Variants in GPR174 observed in about 807,000 individuals in gnomAD.
GPR174 encodes the protein probable G protein-coupled receptor 174.
A neutral mutation model predicts 16.5 loss-of-function variants in GPR174; 8 were observed. That is an observed-to-expected ratio of 0.48 (90% CI 0.28 to 0.87). The LOEUF (loss-of-function observed/expected upper bound fraction) is 0.87, where lower values mean the gene tolerates loss of function less well. GPR174 is among the 40% of genes least tolerant of loss of function. GPR174 has a pLI of 0.09. For synonymous variants in GPR174, 111 were observed against 94.8 expected, an observed-to-expected ratio of 1.17 and a Z score of -0.99; for missense variants, 214 against 247.5, an observed-to-expected ratio of 0.86 and a Z score of 0.91.
chrX:79,161,315 G>A (rs1233752334), intron 2 of GPR174, among the ~76,000 whole-genome samples: 1 of 111,545 alleles, frequency 9.0e-6, no homozygotes, highest in African/African-American at 3.3e-5. Flanking sequence ...AAAGAAAACA[G>A]GCAAAAAATA....
At chrX:79,146,663 C>T (rs1450368228) in intron 1 of GPR174, among the ~76,000 whole-genome samples, 1 of 111,925 alleles carries the variant, frequency 8.9e-6, no homozygotes, top group East Asian at 2.8e-4. Context: ...ACCTAGTGTA[C>T]TTATTTTGTT....
Position 79,164,244 on chromosome X carries a change from C to G in GPR174, c.-556-6208C>G, listed in dbSNP as rs192127776. On this transcript the variant is annotated intron_variant, in intron 2 of 2. Transcript: ENST00000645147. The stretch of plus-strand genomic sequence containing the variant: ...CTATGCCTTCCTTTGGAGATAGTTC[C>G]AAGGCACCACCTACTACTCTAACAT... Among the ~76,000 whole-genome samples, 370 of 110,797 alleles carry G rather than the reference C, an allele frequency of 3.3e-3. 1 individual carries two copies. Among genetic ancestry groups the G allele is most frequent in the African/African-American group, 0.011 (345 of 30,501 alleles).
At position 79,170,769 on chromosome X, in the gene GPR174, T is replaced by C. The variant is rs781607272; in HGVS notation, c.-239T>C. The C allele has an allele frequency of 2.6e-6, 1 of 385,436 alleles. No homozygotes were observed. The highest frequency in any genetic ancestry group is 4.2e-5 in the East Asian group (1 of 23,540). The allele number at this position is 385,436 out of a possible 1,213,427, so 31.8% of individuals were successfully genotyped here. A position where few individuals can be genotyped will look rare whatever the true frequency, so the allele number is the denominator to read the frequency against. ...ATTGTAACAGCTTGTCATCTGTGCT[T>C]GTACACTAGACTTCCATGTAGTTAC... On this transcript the variant is annotated 5_prime_UTR_variant, in exon 3 of 3. Coordinates refer to ENST00000645147, the MANE Select transcript of GPR174 (RefSeq NM_032553.3).
chrX:79,171,273 G>T lies in GPR174; in HGVS notation c.266G>T (p.Gly89Val), dbSNP rs1921507859. ...AATCATGACTGGCCATTTGGGCCTGGTCTCTGCATGTTCTGTTTCTACCTG... is the reference window on the plus strand; with the variant it reads ...AATCATGACTGGCCATTTGGGCCTGTTCTCTGCATGTTCTGTTTCTACCTG... Reference protein sequence around the residue: ...YLNHDWPFGPGLCMFCFYLKY... With the variant: ...YLNHDWPFGPVLCMFCFYLKY... The change falls in exon 3 of 3, where the codon GGT (glycine) becomes GTT (valine). Residue 89 changes from glycine to valine, a missense_variant. Physicochemically the swap from Gly to Val is moderately radical, Grantham distance 109 (BLOSUM62 -3). Transcript: ENST00000645147. The T allele has an allele frequency of 8.3e-7, 1 of 1,211,322 alleles. No homozygotes were observed. Among genetic ancestry groups the T allele is most frequent in the Non-Finnish European group, 1.1e-6 (1 of 895,159 alleles).
In GPR174 at chrX:79,171,048, A is replaced by G. The variant is rs1345551879; in HGVS notation, c.41A>G (p.Asn14Ser). 8.3e-7 allele frequency: 1 copy of G among 1,205,644 alleles called. No individual in the cohort carries two copies. The highest frequency in any genetic ancestry group is 1.7e-5 in the African/African-American group (1 of 57,194). ...ACGTGTACCAGGCCAGATGGAGACA[A>G]TACAGATTTTCGATACTTTATTTAT... ...NYTCTRPDGD[N>S]TDFRYFIYAV... Residue 14 changes from asparagine to serine, a missense_variant, in exon 3 of 3, where the codon AAT becomes AGT. Physicochemically the swap from Asn to Ser is conservative, Grantham distance 46. Coordinates refer to ENST00000645147, the MANE Select transcript of GPR174 (RefSeq NM_032553.3).
chrX:79,170,062 G>C (rs765054871), intron 2 of GPR174, among the ~76,000 whole-genome samples: 21 of 111,908 alleles, frequency 1.9e-4, no homozygotes, highest in Non-Finnish European at 3.2e-4. Context: ...TTCCCCAGAT[G>C]ATTCAGACAA....
chrX:79,165,807 A>G (rs952006404), intron 2 of GPR174, among the ~76,000 whole-genome samples: 1 of 111,342 alleles, frequency 9.0e-6, no homozygotes, highest in African/African-American at 3.3e-5. Context: ...ACTCTCTAGG[A>G]GAAAACTGCA....
Position 79,170,702 on chromosome X carries a change from C to A in GPR174, c.-306C>A. The A allele has an allele frequency of 3.7e-6, 1 of 273,711 alleles. No homozygotes were observed. The highest frequency in any genetic ancestry group is 2.7e-5 in the African/African-American group (1 of 36,547). The allele number at this position is 273,711 out of a possible 1,213,427, so 22.6% of individuals were successfully genotyped here. A position where few individuals can be genotyped will look rare whatever the true frequency, so the allele number is the denominator to read the frequency against. On this transcript the variant is annotated 5_prime_UTR_variant, in exon 3 of 3. Coordinates refer to ENST00000645147, the MANE Select transcript of GPR174 (RefSeq NM_032553.3). ...TTTTCCAAATGGGAGAGAATAAGCT[C>A]TCATGATGTCCCAGAGGGCCTTAAA...
chrX:79,158,341 G>A (rs757614662), intron 2 of GPR174, among the ~76,000 whole-genome samples: 7 of 108,107 alleles, frequency 6.5e-5, no homozygotes, highest in Non-Finnish European at 1.2e-4. Context: ...AAAAAATTAG[G>A]CACCTGTCTG....
intron 1 of GPR174, among the ~76,000 whole-genome samples, chrX:79,153,026 A>G (rs1362479354): frequency 8.9e-6 from 1 of 112,126 alleles, no homozygotes; most frequent in Non-Finnish European, 1.9e-5. Context: ...ATGAGGAGCA[A>G]AATAGTTCTA....
chrX:79,171,103 A>G lies in GPR174; in HGVS notation c.96A>G (p.Pro32=), dbSNP rs1921503223. ...TGACATACACTGTCATTCTTGTGCC[A>G]GGTCTCATAGGGAATATATTAGCCC... ...YAVTYTVILV[P]GLIGNILALW... The change falls in exon 3 of 3, where the codon CCA becomes CCG. Residue 32 remains proline (P), a synonymous_variant. Coordinates refer to ENST00000645147, the MANE Select transcript of GPR174 (RefSeq NM_032553.3). 4.1e-6 allele frequency: 5 copies of G among 1,207,363 alleles called. No homozygotes were observed. The African/African-American group carries it at 5.2e-5, about 13-fold the overall frequency.
intron 1 of GPR174, among the ~76,000 whole-genome samples, chrX:79,149,828 T>TTG (rs1419415824): frequency 1.9e-5 from 2 of 107,173 alleles, no homozygotes; most frequent in Non-Finnish European, 3.9e-5. Flanking sequence ...TCAGTTTTTT[T>TTG]TTTTTTTTTT....
intron 2 of GPR174, among the ~76,000 whole-genome samples, chrX:79,162,860 T>C (rs1283073314): frequency 8.9e-6 from 1 of 111,745 alleles, no homozygotes; most frequent in Non-Finnish European, 1.9e-5. Flanking sequence ...CCAATTCCAA[T>C]GTAAATGATT....
chrX:79,172,962 G>T lies in GPR174; in HGVS notation c.*953G>T, dbSNP rs1307272154. ...TTTCTGAGCCTGTGGAAGAAGTAGT[G>T]CACTAATGAATCATTAAACCTGGGC... On this transcript the variant is annotated 3_prime_UTR_variant, in exon 3 of 3. Transcript: ENST00000645147. 8.9e-6 allele frequency: 1 copy of T among 111,981 alleles called. No individual in the cohort carries two copies. Among genetic ancestry groups the T allele is most frequent in the African/African-American group, 3.2e-5 (1 of 30,778 alleles). 9.2% of individuals were successfully genotyped at this position (111,981 alleles called of 1,213,427 possible). A position where few individuals can be genotyped will look rare whatever the true frequency, so the allele number is the denominator to read the frequency against.
At chrX:79,152,370 T>C (rs1926619161) in intron 1 of GPR174, among the ~76,000 whole-genome samples, 1 of 61,257 alleles carries the variant, frequency 1.6e-5, no homozygotes. Flanking sequence ...GGAGTTCTTG[T>C]TTCAGAGCAT....
Position 79,170,916 on chromosome X carries a change from A to T in GPR174, c.-92A>T, listed in dbSNP as rs1602344693. On this transcript the variant is annotated 5_prime_UTR_variant, in exon 3 of 3. Coordinates refer to ENST00000645147, the MANE Select transcript of GPR174 (RefSeq NM_032553.3). ...ATTTTATACTTCGTATCTCCAACCC[A>T]CTGGCAATCAATCTTTTGGAAGGAA... 3.9e-6 allele frequency: 3 copies of T among 777,197 alleles called. No individual in the cohort carries two copies. In the African/African-American group the frequency reaches 6.3e-5, roughly 16 times the overall value. 64.0% of individuals were successfully genotyped at this position (777,197 alleles called of 1,213,427 possible). A position where few individuals can be genotyped will look rare whatever the true frequency, so the allele number is the denominator to read the frequency against.
chrX:79,148,180 C>T (rs1053955310), intron 1 of GPR174, among the ~76,000 whole-genome samples: 8 of 111,288 alleles, frequency 7.2e-5, no homozygotes, highest in East Asian at 2.8e-4. Context: ...TTGTGCCCAC[C>T]GTGGGAGCCA....
chrX:79,166,631 G>T (rs1300686003), intron 2 of GPR174, among the ~76,000 whole-genome samples: 1 of 107,615 alleles, frequency 9.3e-6, no homozygotes, highest in African/African-American at 3.4e-5. Flanking sequence ...TAGAGATGGG[G>T]TTTCACTATG....
At chrX:79,152,426 A>T (rs955026410) in intron 1 of GPR174, among the ~76,000 whole-genome samples, 1 of 111,767 alleles carries the variant, frequency 8.9e-6, no homozygotes. Context: ...ATCTAATCGC[A>T]TACTTAAGTT....
Sources: gnomAD v4.1 joint callset for allele counts (sites outside exome capture counted in the v4.1 genomes callset) on GRCh38, gnomAD v4.1.1 for gene constraint, MANE v1.5 for transcripts, NCBI Gene and HGNC (gene_info 2026-07-23, HGNC 2026-07-21) for gene names.